The following PTPRD variants were observed in gnomAD, a reference collection of about 807,000 sequenced individuals.
PTPRD encodes the protein receptor-type tyrosine-protein phosphatase delta.
Under a neutral mutation model 214.5 loss-of-function variants are expected in PTPRD, and 34 were observed. That is an observed-to-expected ratio of 0.16 (90% CI 0.12 to 0.21). PTPRD has a LOEUF of 0.21. Among genes scored for constraint, PTPRD ranks in the 10% least tolerant of loss-of-function variants. The pLI is 1.00. For missense variants in PTPRD, 2,545 were observed against 2,398.7 expected (o/e 1.06, Z -1.27); for synonymous variants, 1,128 against 845.7 (o/e 1.33, Z -5.79).
intron 8 of PTPRD, among the ~76,000 whole-genome samples, chr9:9,479,072 T>G (rs1038333562): frequency 1.3e-5 from 2 of 152,152 alleles, no homozygotes; most frequent in African/African-American, 4.8e-5. Flanking sequence ...TCCTTATGTT[T>G]TTTTTCTTTC....
intron 11 of PTPRD, among the ~76,000 whole-genome samples, chr9:8,994,654 C>T (rs1033821297): frequency 3.3e-5 from 5 of 151,698 alleles, no homozygotes; most frequent in African/African-American, 4.8e-5. Flanking sequence ...ATTACAATTA[C>T]GGTTGGAGGG....
rs367546327 is a variant in PTPRD, at chr9:8,746,729, C to T, written c.-103-12783G>A. Among the ~76,000 whole-genome samples the T allele has an allele frequency of 6.6e-5, 10 of 152,300 alleles. No individual in the cohort carries two copies. The East Asian group carries it at 1.9e-3, about 29-fold the overall frequency. On this transcript the variant is annotated intron_variant, in intron 11 of 45. Coordinates refer to ENST00000381196, the MANE Select transcript of PTPRD (RefSeq NM_002839.4). ...CTCTGCTGGGTCAGGCACGATGCCTCATGCCTGTAATCCCAGTGCTTTCAG... is the reference window on the plus strand; with the variant it reads ...CTCTGCTGGGTCAGGCACGATGCCTTATGCCTGTAATCCCAGTGCTTTCAG...
chr9:8,947,462 CAAAA>C (rs138279192), intron 11 of PTPRD, among the ~76,000 whole-genome samples: 3 of 93,028 alleles, frequency 3.2e-5, no homozygotes, highest in African/African-American at 4.0e-5. Context: ...GACTCTGTCT[CAAAA>C]AAAAAAAAAA....
chr9:9,409,279 AG>A (rs1333027319), intron 8 of PTPRD, among the ~76,000 whole-genome samples: 6 of 152,010 alleles, frequency 3.9e-5, no homozygotes, highest in Admixed American at 3.9e-4. Context: ...AATATCCAAT[AG>A]CAAGCTTTAA....
chr9:9,665,331 G>A (rs1295463126), intron 7 of PTPRD, among the ~76,000 whole-genome samples: 1 of 151,678 alleles, frequency 6.6e-6, no homozygotes, highest in African/African-American at 2.4e-5. Context: ...CGTTTGAGCT[G>A]TATACACTTA....
chr9:10,092,450 G>A (rs1372250027), intron 3 of PTPRD, among the ~76,000 whole-genome samples: 1 of 151,294 alleles, frequency 6.6e-6, no homozygotes. Flanking sequence ...AGAAAATTTG[G>A]AAATGGTTTA....
chr9:9,565,793 G>T (rs2084334360), intron 8 of PTPRD, among the ~76,000 whole-genome samples: 1 of 151,790 alleles, frequency 6.6e-6, no homozygotes, highest in African/African-American at 2.4e-5. Flanking sequence ...TTAAACTTTG[G>T]CCCCGTTTCC....
intron 11 of PTPRD, among the ~76,000 whole-genome samples, chr9:8,743,896 G>A (rs184283219): frequency 1.7e-4 from 25 of 151,272 alleles, no homozygotes; most frequent in African/African-American, 5.3e-4. Flanking sequence ...CATCGACATA[G>A]GACTAATATC....
At chr9:9,356,463 T>A (rs942579914) in intron 9 of PTPRD, among the ~76,000 whole-genome samples, 25 of 151,350 alleles carry the variant, frequency 1.7e-4, no homozygotes, top group Non-Finnish European at 3.3e-4. Context: ...CAAACACACA[T>A]TTAAAATCAT....
At chr9:10,338,489 G>T (rs1016225589) in intron 3 of PTPRD, among the ~76,000 whole-genome samples, 4 of 151,668 alleles carry the variant, frequency 2.6e-5, no homozygotes, top group African/African-American at 9.7e-5. Flanking sequence ...CATACTGTGG[G>T]TATTCAGTGT....
At chr9:8,740,765 T>G (rs988622233) in intron 11 of PTPRD, among the ~76,000 whole-genome samples, 1 of 152,114 alleles carries the variant, frequency 6.6e-6, no homozygotes, top group South Asian at 2.1e-4. Flanking sequence ...CAACAAGAGG[T>G]AGTTTAAGAG....
At chr9:8,893,953 A>T (rs1053085273) in intron 11 of PTPRD, among the ~76,000 whole-genome samples, 2 of 152,000 alleles carry the variant, frequency 1.3e-5, no homozygotes, top group Non-Finnish European at 2.9e-5. Flanking sequence ...GTAAAAAAAA[A>T]TAGACAAGAA....
At chr9:8,326,423 C>G (rs1426349682) in intron 44 of PTPRD, among the ~76,000 whole-genome samples, 1 of 151,964 alleles carries the variant, frequency 6.6e-6, no homozygotes, top group Non-Finnish European at 1.5e-5. Context: ...ATGAAGCCGA[C>G]TTGATCGTGG....
intron 2 of PTPRD, among the ~76,000 whole-genome samples, chr9:10,586,425 A>G (rs948804915): frequency 6.6e-6 from 1 of 152,062 alleles, no homozygotes; most frequent in Non-Finnish European, 1.5e-5. Flanking sequence ...GAAAAGAGCA[A>G]TCATGAGAAC....
chr9:8,522,694 G>A (rs899934121), intron 19 of PTPRD, among the ~76,000 whole-genome samples: 4 of 152,148 alleles, frequency 2.6e-5, no homozygotes, highest in Admixed American at 6.6e-5. Flanking sequence ...GTGTGTTTAA[G>A]TAAATGTGTT....
intron 8 of PTPRD, among the ~76,000 whole-genome samples, chr9:9,514,485 T>C (rs2096786962): frequency 6.6e-6 from 1 of 152,042 alleles, no homozygotes; most frequent in South Asian, 2.1e-4. Context: ...CCTTAGGAAG[T>C]AGACAGAGAG....
intron 8 of PTPRD, among the ~76,000 whole-genome samples, chr9:9,543,700 C>T (rs549149097): frequency 6.6e-6 from 1 of 151,382 alleles, no homozygotes; most frequent in South Asian, 2.1e-4. Flanking sequence ...TGAAAACAAA[C>T]AACAAAAACA....
chr9:8,502,617 T>C (rs2097434814), intron 23 of PTPRD, among the ~76,000 whole-genome samples: 1 of 152,050 alleles, frequency 6.6e-6, no homozygotes, highest in Non-Finnish European at 1.5e-5. Context: ...TATAAAACTA[T>C]TTTACATGCA....
At chr9:10,258,438 T>A (rs2093447129) in intron 3 of PTPRD, among the ~76,000 whole-genome samples, 1 of 152,222 alleles carries the variant, frequency 6.6e-6, no homozygotes, top group Non-Finnish European at 1.5e-5. Flanking sequence ...TATCTTGCCA[T>A]AATATCTCGG....
Sources: allele counts gnomAD v4.1 joint callset (sites outside exome capture counted in the v4.1 genomes callset), GRCh38; gene constraint gnomAD v4.1.1; transcripts MANE v1.5; gene names NCBI Gene and HGNC (gene_info 2026-07-23, HGNC 2026-07-21).